The following SENP5 variants were observed in gnomAD, a reference collection of about 807,000 sequenced individuals.
SENP5 encodes the protein SUMO specific peptidase 5.
In SENP5, 21 loss-of-function variants were observed where a neutral mutation model predicts 74.2. The observed-to-expected ratio is 0.28, with a 90% confidence interval of 0.20 to 0.41. The LOEUF is 0.41. Ranked by LOEUF, SENP5 falls within the 10% of genes least tolerant of loss-of-function variation. The pLI is 1.00. For missense variants in SENP5, 717 were observed against 889.1 expected (o/e 0.81, Z 2.46); for synonymous variants, 311 against 312.7 (o/e 0.99, Z 0.06).
At chr3:196,871,855 CA>C (rs10714946) in intron 1 of SENP5, among the ~76,000 whole-genome samples, 31,791 of 105,664 alleles carry the variant, frequency 0.3, 3,285 homozygotes, top group African/African-American at 0.37. Flanking sequence ...ACTCCATCTC[CA>C]AAAAAAAAAA....
chr3:196,901,945 C>T (rs958153483), intron 5 of SENP5, among the ~76,000 whole-genome samples: 2 of 152,182 alleles, frequency 1.3e-5, no homozygotes, highest in Non-Finnish European at 2.9e-5. Context: ...TAGAAATGCA[C>T]ATTCTGAGAC....
At chr3:196,892,510 T>C (rs1714254304) in intron 2 of SENP5, among the ~76,000 whole-genome samples, 1 of 152,212 alleles carries the variant, frequency 6.6e-6, no homozygotes, top group African/African-American at 2.4e-5. Flanking sequence ...TGTTTTGATA[T>C]ATGTTTACTT....
rs1467833946 is a variant in SENP5 at position 196,931,950 on chromosome 3, T to A, written c.*1027T>A. The A allele has an allele frequency of 2.2e-6, 1 of 453,064 alleles. No homozygotes were observed. The highest frequency in any genetic ancestry group is 4.4e-6 in the Non-Finnish European group (1 of 225,788). 28.1% of individuals were successfully genotyped at this position (453,064 alleles called of 1,614,324 possible). A position where few individuals can be genotyped will look rare whatever the true frequency, so the allele number is the denominator to read the frequency against. ...GAAGAGGGAAGGTAATAGAGACAAC[T>A]TAGTCCCATGGGAGCGCAGCAACCG... On this transcript the variant is annotated 3_prime_UTR_variant, in exon 10 of 10. Coordinates refer to ENST00000323460, the MANE Select transcript of SENP5 (RefSeq NM_152699.5).
At chr3:196,920,416 C>A (rs1048780926) in intron 6 of SENP5, among the ~76,000 whole-genome samples, 5 of 152,158 alleles carry the variant, frequency 3.3e-5, no homozygotes, top group Admixed American at 1.3e-4. Flanking sequence ...TTACCAAAGT[C>A]ATTTATTACT....
At chr3:196,874,978 A>G (rs1238608181) in intron 1 of SENP5, among the ~76,000 whole-genome samples, 1 of 152,158 alleles carries the variant, frequency 6.6e-6, no homozygotes, top group Non-Finnish European at 1.5e-5. Flanking sequence ...CATTTTCTAT[A>G]GCTTTGGTTA....
intron 1 of SENP5, among the ~76,000 whole-genome samples, chr3:196,879,197 C>T (rs1713616027): frequency 6.6e-6 from 1 of 152,192 alleles, no homozygotes; most frequent in Non-Finnish European, 1.5e-5. Flanking sequence ...ATTTCCCACA[C>T]ATTTCCAAAT....
intron 6 of SENP5, among the ~76,000 whole-genome samples, chr3:196,915,169 A>T (rs1191789033): frequency 6.6e-6 from 1 of 152,166 alleles, no homozygotes; most frequent in African/African-American, 2.4e-5. Flanking sequence ...AGGCCACAGG[A>T]CTGCATTCTT....
intron 6 of SENP5, among the ~76,000 whole-genome samples, chr3:196,922,378 A>T (rs1715653958): frequency 6.6e-6 from 1 of 152,198 alleles, no homozygotes. Context: ...ACTGCTGCTT[A>T]TATCATGTCT....
At chr3:196,929,834 T>C (rs1715959080) in intron 9 of SENP5, 151 bp downstream of exon 9, 2 of 648,296 alleles carry the variant, frequency 3.1e-6, no homozygotes, top group East Asian at 2.9e-5. Context: ...GGAGCAGTAG[T>C]TTCTGCATGT....
intron 6 of SENP5, among the ~76,000 whole-genome samples, chr3:196,921,301 A>G (rs1394992782): frequency 1.3e-5 from 2 of 152,182 alleles, no homozygotes; most frequent in East Asian, 3.8e-4. Context: ...TAAAAATGTC[A>G]CTACCTCAGC....
At chr3:196,902,277 A>G (rs571155158) in intron 5 of SENP5, among the ~76,000 whole-genome samples, 5 of 152,162 alleles carry the variant, frequency 3.3e-5, no homozygotes, top group African/African-American at 7.2e-5. Context: ...CCACTGTGCT[A>G]CTATACCCAG....
At chr3:196,912,092 G>A (rs554804968) in intron 6 of SENP5, among the ~76,000 whole-genome samples, 60 of 152,248 alleles carry the variant, frequency 3.9e-4, no homozygotes, top group Middle Eastern at 3.4e-3. Context: ...TATACCCAAA[G>A]GAATATAAAT....
chr3:196,905,569 C>T (rs1258705734), intron 6 of SENP5, among the ~76,000 whole-genome samples: 1 of 152,136 alleles, frequency 6.6e-6, no homozygotes, highest in Non-Finnish European at 1.5e-5. Flanking sequence ...AAGTTCTTAC[C>T]TACATTTAGC....
chr3:196,912,405 A>G (rs1267580289), intron 6 of SENP5, among the ~76,000 whole-genome samples: 8 of 152,080 alleles, frequency 5.3e-5, no homozygotes, highest in Non-Finnish European at 1.0e-4. Context: ...GGAACAACAT[A>G]CACCGGGGCC....
intron 2 of SENP5, among the ~76,000 whole-genome samples, chr3:196,888,787 G>GTT (rs1398265296): frequency 6.6e-6 from 1 of 152,030 alleles, no homozygotes; most frequent in Non-Finnish European, 1.5e-5. Context: ...AGTTGAAACA[G>GTT]TTCTGAGCAC....
intron 1 of SENP5, among the ~76,000 whole-genome samples, chr3:196,877,710 TAGA>T (rs1713542243): frequency 6.6e-6 from 1 of 152,312 alleles, no homozygotes; most frequent in South Asian, 2.1e-4. Context: ...TTGACAAGTA[TAGA>T]AGATTACTTT....
rs114051805 is a variant in SENP5, at chr3:196,917,998, C to T, written c.1885-5416C>T. Among the ~76,000 whole-genome samples, 306 of 152,004 alleles carry T rather than the reference C, an allele frequency of 2.0e-3. 1 individual carries two copies. The highest frequency in any genetic ancestry group is 7.1e-3 in the African/African-American group (293 of 41,466). ...AAAATTATAATTACAATTTTTTAAG[C>T]GATAATATAAAAAGATAAATAGAAA... On this transcript the variant is annotated intron_variant, in intron 6 of 9. Coordinates refer to ENST00000323460, the MANE Select transcript of SENP5 (RefSeq NM_152699.5).
Position 196,886,474 on chromosome 3 carries a change from A to G in SENP5, c.1293A>G (p.Gln431=), listed in dbSNP as rs1713981602. The part of the protein sequence containing the change: ...SVSSVDGPVS[Q]KAVQNENSYQ... ...GTAGCGTAGATGGGCCTGTGTCCCAAAAGGCTGTTCAAAATGAGAACTCAT... is the reference window on the plus strand; with the variant it reads ...GTAGCGTAGATGGGCCTGTGTCCCAGAAGGCTGTTCAAAATGAGAACTCAT... The change falls in exon 2 of 10, where the codon CAA becomes CAG. Residue 431 remains glutamine, a synonymous_variant. Coordinates refer to ENST00000323460, the MANE Select transcript of SENP5 (RefSeq NM_152699.5). 4 of 1,611,006 alleles carry G rather than the reference A, an allele frequency of 2.5e-6. No homozygotes were observed. The highest frequency in any genetic ancestry group is 3.4e-6 in the Non-Finnish European group (4 of 1,178,586).
chr3:196,872,454 A>G (rs1236384066), intron 1 of SENP5, among the ~76,000 whole-genome samples: 1 of 152,122 alleles, frequency 6.6e-6, no homozygotes, highest in African/African-American at 2.4e-5. Flanking sequence ...TCTGGCTTCT[A>G]TACTTAGGGA....
Sources: gnomAD v4.1 joint callset for allele counts (sites outside exome capture counted in the v4.1 genomes callset) on GRCh38, gnomAD v4.1.1 for gene constraint, MANE v1.5 for transcripts, NCBI Gene and HGNC (gene_info 2026-07-23, HGNC 2026-07-21) for gene names.